The following ZFAND6 variants were observed in gnomAD, a reference collection of about 807,000 sequenced individuals.
The protein encoded by ZFAND6 is AN1-type zinc finger protein 6.
In ZFAND6, 12 loss-of-function variants were observed where a neutral mutation model predicts 24.5. The observed-to-expected ratio is 0.49, with a 90% confidence interval of 0.31 to 0.79. The LOEUF (loss-of-function observed/expected upper bound fraction) is 0.79, where lower values mean the gene tolerates loss of function less well. Ranked by LOEUF, ZFAND6 falls within the 30% of genes least tolerant of loss-of-function variation. ZFAND6 has a pLI of 0.04. For missense variants in ZFAND6, 207 were observed against 245.9 expected (o/e 0.84, Z 1.06); for synonymous variants, 92 against 81.5 (o/e 1.13, Z -0.69).
Position 80,072,195 on chromosome 15 carries a change from ATC to A in ZFAND6, c.-181+12388_-181+12389del, listed in dbSNP as rs533383577. 4.3e-3 allele frequency among the ~76,000 whole-genome samples: 649 copies of A among 152,266 alleles called. 4 individuals carry two copies. The highest frequency in any genetic ancestry group is 5.3e-3 in the Non-Finnish European group (359 of 67,966). On this transcript the variant is annotated intron_variant, in intron 1 of 6. Transcript: ENST00000261749. ...TAAAATGTGAACTCTATTAAAAATAATCTGTCTTTAAAGCATAACTTCACCTT... is the reference window on the plus strand; with the variant it reads ...TAAAATGTGAACTCTATTAAAAATAATGTCTTTAAAGCATAACTTCACCTT...
intron 1 of ZFAND6, among the ~76,000 whole-genome samples, chr15:80,090,968 C>T (rs980151082): frequency 1.3e-5 from 2 of 152,310 alleles, no homozygotes; most frequent in East Asian, 1.9e-4. Context: ...TTTGCCGCAA[C>T]CCACTAGAGG....
chr15:80,062,896 C>A (rs1211631064), intron 1 of ZFAND6, among the ~76,000 whole-genome samples: 4 of 152,166 alleles, frequency 2.6e-5, no homozygotes, highest in Non-Finnish European at 5.9e-5. Context: ...TAAACACTCT[C>A]AGCCTGGCTC....
At chr15:80,097,325 T>C (rs2038783677) in intron 1 of ZFAND6, among the ~76,000 whole-genome samples, 2 of 152,098 alleles carry the variant, frequency 1.3e-5, no homozygotes, top group Non-Finnish European at 2.9e-5. Flanking sequence ...AATGGCACTT[T>C]TTATGTAGCA....
intron 1 of ZFAND6, among the ~76,000 whole-genome samples, chr15:80,074,615 A>G (rs2037161989): frequency 6.6e-6 from 1 of 151,942 alleles, no homozygotes; most frequent in African/African-American, 2.4e-5. Context: ...GAATAATTAC[A>G]GGCTTTGAAA....
intron 1 of ZFAND6, among the ~76,000 whole-genome samples, chr15:80,088,491 G>A (rs1287052837): frequency 6.6e-6 from 1 of 152,136 alleles, no homozygotes; most frequent in East Asian, 1.9e-4. Context: ...GCTTGAACCC[G>A]GGAGACGGAG....
intron 2 of ZFAND6, among the ~76,000 whole-genome samples, chr15:80,113,038 CTT>C (rs1432235858): frequency 6.6e-6 from 1 of 152,172 alleles, no homozygotes; most frequent in Non-Finnish European, 1.5e-5. Flanking sequence ...TTGTGTAACA[CTT>C]TGTGTTGCGG....
chr15:80,067,125 G>C (rs2036693490), intron 1 of ZFAND6, among the ~76,000 whole-genome samples: 1 of 152,132 alleles, frequency 6.6e-6, no homozygotes, highest in Non-Finnish European at 1.5e-5. Flanking sequence ...TAGAATGACT[G>C]GTGTTTACTG....
intron 1 of ZFAND6, among the ~76,000 whole-genome samples, chr15:80,066,282 A>G (rs567796891): frequency 1.3e-5 from 2 of 151,470 alleles, no homozygotes; most frequent in East Asian, 2.0e-4. Flanking sequence ...CAAGGTGTGT[A>G]TGGGAGTTTC....
At chr15:80,117,048 T>C (rs542136701) in intron 2 of ZFAND6, among the ~76,000 whole-genome samples, 5 of 152,352 alleles carry the variant, frequency 3.3e-5, no homozygotes, top group Admixed American at 1.3e-4. Flanking sequence ...AATATTGATA[T>C]AGTAGCAACT....
intron 6 of ZFAND6, among the ~76,000 whole-genome samples, chr15:80,134,338 T>C (rs1193718706): frequency 1.1e-4 from 16 of 152,116 alleles, no homozygotes; most frequent in Admixed American, 9.8e-4. Flanking sequence ...CAGAACCTCA[T>C]GAGTTCAGCA....
chr15:80,102,267 A>T (rs893679638), intron 2 of ZFAND6, among the ~76,000 whole-genome samples: 1 of 151,904 alleles, frequency 6.6e-6, no homozygotes, highest in African/African-American at 2.4e-5. Flanking sequence ...GTGCCACCAC[A>T]CCCAACTAAT....
At chr15:80,095,244 CTTAAT>C (rs2038649416) in intron 1 of ZFAND6, among the ~76,000 whole-genome samples, 1 of 152,114 alleles carries the variant, frequency 6.6e-6, no homozygotes, top group African/African-American at 2.4e-5. Context: ...TAGAATCTCC[CTTAAT>C]TTGAGTGTAT....
At chr15:80,069,127 T>G (rs1037317122) in intron 1 of ZFAND6, among the ~76,000 whole-genome samples, 2 of 152,104 alleles carry the variant, frequency 1.3e-5, no homozygotes, top group Non-Finnish European at 2.9e-5. Context: ...TTTTTCTGGT[T>G]TAGGCCTCCA....
chr15:80,084,568 C>T (rs200580188), intron 1 of ZFAND6, among the ~76,000 whole-genome samples: 4 of 152,142 alleles, frequency 2.6e-5, no homozygotes, highest in Admixed American at 6.5e-5. Context: ...TACTAATTTA[C>T]GTGGGGGCAG....
At chr15:80,073,368 T>C (rs2037083897) in intron 1 of ZFAND6, 1 of 296,202 alleles carries the variant, frequency 3.4e-6, no homozygotes, top group African/African-American at 2.3e-5. Context: ...TATCTGATTC[T>C]ATTTACATTT....
intron 2 of ZFAND6, chr15:80,114,930 A>G (rs1003096297): frequency 6.6e-6 from 1 of 152,228 alleles, no homozygotes; most frequent in East Asian, 1.9e-4. Context: ...ACTAATAAGA[A>G]TTAATGAATG....
chr15:80,114,515 C>T (rs1055789109), intron 2 of ZFAND6, among the ~76,000 whole-genome samples: 2 of 152,126 alleles, frequency 1.3e-5, no homozygotes, highest in African/African-American at 4.8e-5. Flanking sequence ...GGGCAGTAAA[C>T]TGTTAAAAAT....
intron 5 of ZFAND6, among the ~76,000 whole-genome samples, chr15:80,127,867 C>T (rs1386000663): frequency 6.6e-6 from 1 of 152,104 alleles, no homozygotes; most frequent in Non-Finnish European, 1.5e-5. Flanking sequence ...TGAAAACATA[C>T]GTCCACACAA....
chr15:80,080,042 A>C (rs532231321), intron 1 of ZFAND6, among the ~76,000 whole-genome samples: 2 of 150,386 alleles, frequency 1.3e-5, no homozygotes, highest in Middle Eastern at 6.8e-3. Flanking sequence ...TCACCCACCC[A>C]GGCTGGAGTG....
Sources: gnomAD v4.1 joint callset for allele counts (sites outside exome capture counted in the v4.1 genomes callset) on GRCh38, gnomAD v4.1.1 for gene constraint, MANE v1.5 for transcripts, NCBI Gene and HGNC (gene_info 2026-07-23, HGNC 2026-07-21) for gene names.